The following LAMA1 variants were observed in gnomAD, a reference collection of about 807,000 sequenced individuals.
LAMA1 encodes laminin subunit alpha 1.
In LAMA1, 219 loss-of-function variants were observed where a neutral mutation model predicts 348.7. That is an observed-to-expected ratio of 0.63 (90% CI 0.56 to 0.70). The LOEUF (loss-of-function observed/expected upper bound fraction) is 0.70, where lower values mean the gene tolerates loss of function less well. Among genes scored for constraint, LAMA1 ranks in the 30% least tolerant of loss-of-function variants. The pLI is 0.00. For synonymous variants in LAMA1, 1,487 were observed against 1,491.0 expected (o/e 1.00, Z 0.06); for missense variants, 3,744 against 3,888.0 (o/e 0.96, Z 0.99).
In LAMA1 at chr18:6,986,131, ACT is replaced by A; in HGVS notation, c.5379+4_5379+5del. ...AATTGAGAAGGAGAGAGCAAGTGAG[ACT>A]CACACTGAATTCTCTCAGATTAGCA... is the stretch of plus-strand genomic sequence containing the variant. On this transcript the variant is annotated splice_donor_5th_base_variant and intron_variant, in intron 37 of 62. Transcript: ENST00000389658. 6.2e-7 allele frequency: 1 copy of A among 1,613,980 alleles called. No individual in the cohort carries two copies. The highest frequency in any genetic ancestry group is 1.1e-5 in the South Asian group (1 of 91,074).
intron 18 of LAMA1, 21 bp downstream of exon 18, chr18:7,024,359 A>G: frequency 6.3e-7 from 1 of 1,595,496 alleles, no homozygotes; most frequent in African/African-American, 1.3e-5. Flanking sequence ...AAATGTGTTG[A>G]AGCCAGTGGA....
At chr18:7,044,621 A>G (rs2058034408) in intron 7 of LAMA1, 101 bp downstream of exon 7, 2 of 962,208 alleles carry the variant, frequency 2.1e-6, no homozygotes. Context: ...ATTTCTAAGA[A>G]AACAAGTTAC....
At position 6,961,605 on chromosome 18, in the gene LAMA1, T is replaced by G. The variant is rs1315882459; in HGVS notation, c.7607A>C (p.Asp2536Ala). The change falls in exon 53 of 63, where the codon GAT becomes GCT. Residue 2536 changes from aspartate to alanine, a missense_variant. Asp to Ala is a moderately radical substitution (Grantham distance 126). This residue lies in a region of LAMA1 where 1,983 missense variants were observed against 1,934.3 expected (regional missense o/e 1.03). Transcript: ENST00000389658. Reference sequence around the variant, plus strand: ...ACTCACCACGTGTGCTTCCTCACGATCACCCCGCTTCTCCACATCCCCGCC... The same window carrying G: ...ACTCACCACGTGTGCTTCCTCACGAGCACCCCGCTTCTCCACATCCCCGCC... ...ALGGDVEKRG[D>A]REEAHVPFFS... The G allele has an allele frequency of 6.2e-7, 1 of 1,613,694 alleles. No individual in the cohort carries two copies. The highest frequency in any genetic ancestry group is 8.5e-7 in the Non-Finnish European group (1 of 1,180,008).
chr18:7,054,838 T>C (rs2058075210), intron 3 of LAMA1, among the ~76,000 whole-genome samples: 1 of 152,204 alleles, frequency 6.6e-6, no homozygotes, highest in African/African-American at 2.4e-5. Flanking sequence ...AAATATAGTA[T>C]TGTCTCTTCC....
intron 4 of LAMA1, 32 bp downstream of exon 4, chr18:7,050,662 A>T: frequency 6.2e-7 from 1 of 1,612,796 alleles, no homozygotes; most frequent in Non-Finnish European, 8.5e-7. Context: ...TGATGAGGAA[A>T]CAGATCTTGC....
intron 20 of LAMA1, 79 bp downstream of exon 20, chr18:7,017,199 G>A: frequency 9.2e-7 from 1 of 1,081,178 alleles, no homozygotes; most frequent in Non-Finnish European, 1.4e-6. Flanking sequence ...ATACACTTGG[G>A]GACTTAGCTC....
At chr18:7,050,643 G>C (rs1027319810) in intron 4 of LAMA1, 51 bp downstream of exon 4, 5 of 1,611,758 alleles carry the variant, frequency 3.1e-6, no homozygotes, top group Non-Finnish European at 2.5e-6. Flanking sequence ...GTCTGAGACA[G>C]GGAGACTCTG....
At chr18:6,988,923 G>A (rs2057747263) in intron 36 of LAMA1, among the ~76,000 whole-genome samples, 2 of 40,564 alleles carry the variant, frequency 4.9e-5, no homozygotes, top group African/African-American at 1.4e-4. Context: ...TCAACGTGGC[G>A]GGCTGGATGG....
At chr18:6,961,009 T>C (rs1274417856) in intron 53 of LAMA1, among the ~76,000 whole-genome samples, 1 of 152,222 alleles carries the variant, frequency 6.6e-6, no homozygotes, top group African/African-American at 2.4e-5. Context: ...TAACATTCTG[T>C]AAAGTCTCTT....
intron 57 of LAMA1, among the ~76,000 whole-genome samples, chr18:6,952,742 C>A (rs1470467502): frequency 6.6e-6 from 1 of 152,256 alleles, no homozygotes; most frequent in Non-Finnish European, 1.5e-5. Flanking sequence ...TGTCTGTGTC[C>A]AGTGGATTCA....
At chr18:6,988,801 G>A (rs1344020091) in intron 36 of LAMA1, among the ~76,000 whole-genome samples, 6 of 90,098 alleles carry the variant, frequency 6.7e-5, no homozygotes, top group African/African-American at 3.1e-4. Context: ...AGGAGACTCC[G>A]TCTCAATAAA....
At chr18:7,032,008 C>T in intron 16 of LAMA1, 58 bp downstream of exon 16, 2 of 1,407,336 alleles carry the variant, frequency 1.4e-6, no homozygotes, top group South Asian at 1.2e-5. Context: ...CACTTGTACA[C>T]AGCAAATGGC....
chr18:7,032,253 G>C (rs1260989602), intron 15 of LAMA1, 77 bp from the exon 16 acceptor site: 1 of 920,242 alleles, frequency 1.1e-6, no homozygotes, highest in Non-Finnish European at 1.8e-6. Context: ...GTACAGAAAT[G>C]TCTTTTTTCT....
chr18:7,086,787 C>T (rs1308005564), intron 1 of LAMA1, among the ~76,000 whole-genome samples: 1 of 152,176 alleles, frequency 6.6e-6, no homozygotes, highest in African/African-American at 2.4e-5. Flanking sequence ...GCTGCCGACT[C>T]TGTGTCTTTG....
intron 3 of LAMA1, among the ~76,000 whole-genome samples, chr18:7,062,110 C>A (rs751039891): frequency 6.6e-6 from 1 of 152,194 alleles, no homozygotes; most frequent in Non-Finnish European, 1.5e-5. Flanking sequence ...AGGGACTAAG[C>A]CAGGTGCCAC....
intron 1 of LAMA1, among the ~76,000 whole-genome samples, chr18:7,092,858 T>A (rs755357252): frequency 3.6e-4 from 54 of 152,110 alleles, no homozygotes; most frequent in Non-Finnish European, 7.2e-4. Context: ...TCAAGCAACT[T>A]CTCAGTCTCT....
At chr18:7,111,234 C>A (rs553203488) in intron 1 of LAMA1, among the ~76,000 whole-genome samples, 1 of 152,098 alleles carries the variant, frequency 6.6e-6, no homozygotes, top group East Asian at 1.9e-4. Flanking sequence ...AAAATGTGCA[C>A]GCACACTGAA....
At chr18:6,944,720 C>T (rs2057514607) in intron 61 of LAMA1, among the ~76,000 whole-genome samples, 1 of 152,148 alleles carries the variant, frequency 6.6e-6, no homozygotes, top group Non-Finnish European at 1.5e-5. Context: ...TCTCGGACTT[C>T]TAGTCTCTAG....
Position 6,948,555 on chromosome 18 carries a change from A to T in LAMA1, c.8558T>A (p.Ile2853Asn), listed in dbSNP as rs2057532558. ...AATGCAGGCAGGGATGCTGTGGGTG[A>T]TCTAAGCCAAATGACATGCAAGAGT... ...SQYQARKIGN[I>N]THSIPACIGD... The change falls in exon 60 of 63, where the codon ATC becomes AAC. Residue 2853 changes from isoleucine to asparagine, a missense_variant and splice_region_variant. This residue lies in a region of LAMA1 where 1,983 missense variants were observed against 1,934.3 expected (regional missense o/e 1.03). Coordinates refer to ENST00000389658, the MANE Select transcript of LAMA1 (RefSeq NM_005559.4). The T allele has an allele frequency of 6.2e-7, 1 of 1,614,092 alleles. No homozygotes were observed. Among genetic ancestry groups the T allele is most frequent in the Admixed American group, 1.7e-5 (1 of 60,000 alleles).
Sources: allele counts gnomAD v4.1 joint callset (sites outside exome capture counted in the v4.1 genomes callset), GRCh38; gene constraint gnomAD v4.1.1; regional missense constraint gnomAD v4.1.1; transcripts MANE v1.5; gene names NCBI Gene and HGNC (gene_info 2026-07-23, HGNC 2026-07-21).